The following SMIM41 variants were observed in gnomAD, a reference collection of about 807,000 sequenced individuals.
The protein encoded by SMIM41 is small integral membrane protein 41.
chr12:52,087,393 G>A (rs1264619132), intron 2 of SMIM41, among the ~76,000 whole-genome samples: 3 of 152,132 alleles, frequency 2.0e-5, no homozygotes, highest in South Asian at 2.1e-4. Context: ...AGTTACCCAC[G>A]CTTGCCGTCC....
intron 2 of SMIM41, among the ~76,000 whole-genome samples, chr12:52,097,884 T>TA (rs925316586): frequency 6.6e-6 from 1 of 151,912 alleles, no homozygotes; most frequent in Non-Finnish European, 1.5e-5. Flanking sequence ...CGCTGGATAT[T>TA]AAAACCAATA....
chr12:52,090,469 C>T (rs548532329), intron 2 of SMIM41, among the ~76,000 whole-genome samples: 3 of 152,170 alleles, frequency 2.0e-5, no homozygotes, highest in East Asian at 1.9e-4. Context: ...CTCCAGGCCA[C>T]GGAACAAGTG....
At chr12:52,089,597 AAAAACAAAAC>A (rs149875066) in intron 2 of SMIM41, among the ~76,000 whole-genome samples, 30 of 149,100 alleles carry the variant, frequency 2.0e-4, no homozygotes, top group East Asian at 6.0e-4. Flanking sequence ...CCGCCTTCAA[AAAAACAAAAC>A]AAAACAAAAC....
At chr12:52,084,522 G>A (rs1455194260) in intron 2 of SMIM41, among the ~76,000 whole-genome samples, 1 of 152,208 alleles carries the variant, frequency 6.6e-6, no homozygotes, top group East Asian at 1.9e-4. Flanking sequence ...GAGTGAAAGA[G>A]CCGAGAGCAG....
At chr12:52,093,366 T>A (rs534200179) in intron 2 of SMIM41, among the ~76,000 whole-genome samples, 15 of 152,234 alleles carry the variant, frequency 9.9e-5, no homozygotes, top group Non-Finnish European at 2.2e-4. Flanking sequence ...AACTTTGTTG[T>A]ACTCTGTGGT....
chr12:52,088,522 G>A lies in SMIM41; in HGVS notation c.*195+4554G>A, dbSNP rs1308773679. Among the ~76,000 whole-genome samples, 3 of 152,304 alleles carry A rather than the reference G, an allele frequency of 2.0e-5. No individual in the cohort carries two copies. In the South Asian group the frequency reaches 6.2e-4, roughly 32 times the overall value. On this transcript the variant is annotated intron_variant, in intron 2 of 2. Coordinates refer to ENST00000546390, the MANE Select transcript of SMIM41 (RefSeq NM_001369216.1). Reference sequence around the variant, plus strand: ...CCCTCGGGAGCCGTCTCCCTGGCAGGTTCTGCATCTTAGAGGATGGTTTCT... The same window carrying A: ...CCCTCGGGAGCCGTCTCCCTGGCAGATTCTGCATCTTAGAGGATGGTTTCT...
chr12:52,090,056 G>GTTGTTTGTTTGTTTGT (rs367626341), intron 2 of SMIM41, among the ~76,000 whole-genome samples: 2 of 151,486 alleles, frequency 1.3e-5, no homozygotes, highest in African/African-American at 4.9e-5. Flanking sequence ...CCAAGAAGGT[G>GTTGTTTGTTTGTTTGT]TTGTTTGTTT....
chr12:52,085,555 G>A lies in SMIM41; in HGVS notation c.*195+1587G>A, dbSNP rs147045776. Among the ~76,000 whole-genome samples the A allele has an allele frequency of 1.3e-3, 196 of 152,316 alleles. 1 individual carries two copies. The highest frequency in any genetic ancestry group is 2.2e-3 in the Non-Finnish European group (151 of 68,022). On this transcript the variant is annotated intron_variant, in intron 2 of 2. Coordinates refer to ENST00000546390, the MANE Select transcript of SMIM41 (RefSeq NM_001369216.1). ...CGTTCCCGGCCTCCATGTGAGGCAGGACATTGGCTTTAAGCCTCTCAGGTT... is the reference window on the plus strand; with the variant it reads ...CGTTCCCGGCCTCCATGTGAGGCAGAACATTGGCTTTAAGCCTCTCAGGTT...
At chr12:52,107,239 G>A in intron 2 of SMIM41, 140 bp from the exon 3 acceptor site, 2 of 375,420 alleles carry the variant, frequency 5.3e-6, no homozygotes, top group Non-Finnish European at 1.1e-5. Flanking sequence ...CTTGTGAATT[G>A]CTTGTATCCA....
At position 52,105,365 on chromosome 12, in the gene SMIM41, C is replaced by T. The variant is rs376718905; in HGVS notation, c.*196-2014C>T. Among the ~76,000 whole-genome samples the T allele has an allele frequency of 1.2e-4, 18 of 152,322 alleles. No individual in the cohort carries two copies. In the South Asian group the frequency reaches 2.5e-3, roughly 21 times the overall value. On this transcript the variant is annotated intron_variant, in intron 2 of 2. Coordinates refer to ENST00000546390, the MANE Select transcript of SMIM41 (RefSeq NM_001369216.1). Reference sequence around the variant, plus strand: ...GACTTCCTCAAAGGAGTCATAAATTCGGAATTTGGCTTCTCTTCCTGTTGA... The same window carrying T: ...GACTTCCTCAAAGGAGTCATAAATTTGGAATTTGGCTTCTCTTCCTGTTGA...
intron 2 of SMIM41, among the ~76,000 whole-genome samples, chr12:52,104,622 G>A (rs1324813586): frequency 4.6e-5 from 7 of 152,014 alleles, no homozygotes; most frequent in South Asian, 2.1e-4. Context: ...GGAGACCAAC[G>A]TGCAAACTGT....
Position 52,081,280 on chromosome 12 carries a change from G to T in SMIM41, c.*120+1099G>T, listed in dbSNP as rs1165343203. 6.6e-6 allele frequency among the ~76,000 whole-genome samples: 1 copy of T among 152,090 alleles called. No homozygotes were observed. The highest frequency in any genetic ancestry group is 6.5e-5 in the Admixed American group (1 of 15,286). The stretch of plus-strand genomic sequence containing the variant: ...TTGCCCCCCCTCCCCCGATTCTGGA[G>T]CCCCTCCCCTGCTTATCTGGGGTAG... On this transcript the variant is annotated intron_variant, in intron 1 of 2. Coordinates refer to ENST00000546390, the MANE Select transcript of SMIM41 (RefSeq NM_001369216.1). This position sits in a 1 kb window ranked among gnomAD's most constrained non-coding sequence, Gnocchi z 4.1.
chr12:52,095,241 G>T (rs905830465), intron 2 of SMIM41, among the ~76,000 whole-genome samples: 4 of 151,734 alleles, frequency 2.6e-5, no homozygotes, highest in Admixed American at 1.3e-4. Context: ...ATCGCAGGGG[G>T]TCGGGCGCCC....
intron 2 of SMIM41, among the ~76,000 whole-genome samples, chr12:52,101,628 C>G (rs546153801): frequency 3.9e-5 from 6 of 152,110 alleles, no homozygotes; most frequent in Non-Finnish European, 8.8e-5. Context: ...TATTTCCAGA[C>G]GCTTTGGTAA....
chr12:52,095,258 A>G (rs537927063), intron 2 of SMIM41, among the ~76,000 whole-genome samples: 1 of 151,552 alleles, frequency 6.6e-6, no homozygotes, highest in Non-Finnish European at 1.5e-5. Flanking sequence ...GCCCCCCGCG[A>G]TGCGGGGAGT....
rs1312361831 is a variant in SMIM41, at chr12:52,079,915, C to A, written c.136C>A (p.Leu46Met). Residue 46 changes from leucine to methionine, a missense_variant, in exon 1 of 3, where the codon CTG (leucine) becomes ATG (methionine). Transcript: ENST00000546390. ...GGTGGTGCTCGGCGTGCTGTCCCTG[C>A]TGGTGCTTTGCGGGGTCCTGTTCCT... The part of the protein sequence containing the change: ...QAVVLGVLSL[L>M]VLCGVLFLGG... 2.6e-6 allele frequency: 1 copy of A among 388,556 alleles called. No individual in the cohort carries two copies. The highest frequency in any genetic ancestry group is 3.7e-5 in the East Asian group (1 of 26,998). The allele number at this position is 388,556 out of a possible 1,614,324, so 24.1% of individuals were successfully genotyped here.
At chr12:52,098,644 T>C (rs911261091) in intron 2 of SMIM41, among the ~76,000 whole-genome samples, 1 of 151,552 alleles carries the variant, frequency 6.6e-6, no homozygotes, top group Admixed American at 6.6e-5. Context: ...CCCCTAGATA[T>C]TAGGAAAAAT....
chr12:52,104,343 C>T (rs1356733455), intron 2 of SMIM41: 2 of 155,996 alleles, frequency 1.3e-5, no homozygotes, highest in African/African-American at 4.8e-5. Context: ...GTGCCTCCAG[C>T]CCTGCAGTGT....
intron 2 of SMIM41, among the ~76,000 whole-genome samples, chr12:52,096,277 A>C (rs531494605): frequency 1.3e-5 from 2 of 152,210 alleles, no homozygotes; most frequent in African/African-American, 4.8e-5. Context: ...TATTAGAAGC[A>C]ATATCACCGG....
Sources: gnomAD v4.1 joint callset for allele counts (sites outside exome capture counted in the v4.1 genomes callset) on GRCh38, gnomAD v4.1.1 for gene constraint, Gnocchi (gnomAD v3.1) non-coding constraint, MANE v1.5 for transcripts, NCBI Gene and HGNC (gene_info 2026-07-23, HGNC 2026-07-21) for gene names.